SYCP2: variants seen among roughly 807,000 people sequenced by gnomAD.
SYCP2 encodes the protein synaptonemal complex lateral element protein.
Under a neutral mutation model 211.3 loss-of-function variants are expected in SYCP2, and 55 were observed. That is an observed-to-expected ratio of 0.26 (90% CI 0.21 to 0.33). SYCP2 has a LOEUF of 0.33. Among genes scored for constraint, SYCP2 ranks in the 10% least tolerant of loss-of-function variants. The probability of loss-of-function intolerance (pLI) is 1.00; values close to 1 mark genes in which losing one functional copy is unlikely to be tolerated. For synonymous variants in SYCP2, 570 were observed against 555.2 expected, an observed-to-expected ratio of 1.03 and a Z score of -0.37; for missense variants, 1,731 against 1,752.0, an observed-to-expected ratio of 0.99 and a Z score of 0.21.
At chr20:59,910,269 GT>G (rs1568967329) in intron 14 of SYCP2, among the ~76,000 whole-genome samples, 1 of 151,408 alleles carries the variant, frequency 6.6e-6, no homozygotes, top group Non-Finnish European at 1.5e-5. Flanking sequence ...GGAAAGAAGA[GT>G]CCCCCAGCAT....
chr20:59,913,184 ATAGT>A (rs554248635), intron 12 of SYCP2, among the ~76,000 whole-genome samples: 2,394 of 152,312 alleles, frequency 0.016, 24 homozygotes, highest in Non-Finnish European at 0.026. Flanking sequence ...ACTATTTTAC[ATAGT>A]TAGCATATTA....
Position 59,925,043 on chromosome 20 carries a change from A to C in SYCP2, c.-46-2584T>G, listed in dbSNP as rs571248713. On this transcript the variant is annotated intron_variant, in intron 2 of 44. Coordinates refer to ENST00000357552, the MANE Select transcript of SYCP2 (RefSeq NM_014258.4). The stretch of plus-strand genomic sequence containing the variant: ...GAAAATTGAGAACAATTAAGTTTCT[A>C]GAACATAATATATTAGAACATCTTC... Among the ~76,000 whole-genome samples, 7 of 152,222 alleles carry C rather than the reference A, an allele frequency of 4.6e-5. No homozygotes were observed. The East Asian group carries it at 1.3e-3, about 29-fold the overall frequency.
chr20:59,893,448 G>C, intron 21 of SYCP2, 76 bp downstream of exon 21: 1 of 913,692 alleles, frequency 1.1e-6, no homozygotes, highest in Non-Finnish European at 1.7e-6. Flanking sequence ...AAAGCCAGTG[G>C]GGTTAAATGG....
chr20:59,926,998 G>T (rs2060645417), intron 2 of SYCP2, among the ~76,000 whole-genome samples: 1 of 152,114 alleles, frequency 6.6e-6, no homozygotes, highest in South Asian at 2.1e-4. Context: ...ATATATACCA[G>T]AACTTTGGCA....
rs768477855 is a variant in SYCP2 at position 59,922,389 on chromosome 20, C to T, written c.24+1G>A. 3.2e-6 allele frequency: 5 copies of T among 1,569,208 alleles called. No individual in the cohort carries two copies. The highest frequency in any genetic ancestry group is 3.4e-6 in the Non-Finnish European group (4 of 1,164,026). On this transcript the variant is annotated splice_donor_variant, in intron 3 of 44. Coordinates refer to ENST00000357552, the MANE Select transcript of SYCP2 (RefSeq NM_014258.4). LOFTEE classifies it high-confidence loss of function. ...CTTACTTTTGGTCTAGGACTACATA[C>T]CTGGAGATCTGGTCTTATTGGCATT...
chr20:59,914,263 ATAGT>A lies in SYCP2; in HGVS notation c.635-16_635-13del, dbSNP rs2060388495. 4 of 1,479,832 alleles carry A rather than the reference ATAGT, an allele frequency of 2.7e-6. No individual in the cohort carries two copies. Among genetic ancestry groups the A allele is most frequent in the Non-Finnish European group, 3.7e-6 (4 of 1,088,650 alleles). 91.7% of individuals were successfully genotyped at this position (1,479,832 alleles called of 1,614,324 possible). On this transcript the variant is annotated splice_polypyrimidine_tract_variant and intron_variant, in intron 10 of 44. Transcript: ENST00000357552. ...CTGTAAGTCATAATCTATTAAAAAA[ATAGT>A]TAATGTTTGATTTACAATTATGAAA... is the stretch of plus-strand genomic sequence containing the variant.
At position 59,879,854 on chromosome 20, in the gene SYCP2, T is replaced by C. The variant is rs1347234971; in HGVS notation, c.2941+449A>G. Among the ~76,000 whole-genome samples, 402 of 107,556 alleles carry C rather than the reference T, an allele frequency of 3.7e-3. 1 individual carries two copies. The highest frequency in any genetic ancestry group is 0.015 in the African/African-American group (372 of 24,408). The allele number at this position is 107,556 out of a possible 152,430, so 70.6% of individuals were successfully genotyped here. On this transcript the variant is annotated intron_variant, in intron 31 of 44. Transcript: ENST00000357552. The stretch of plus-strand genomic sequence containing the variant: ...ATATATATATATATATATATATATA[T>C]ATATATATACACACACACACACACA...
In SYCP2 at chr20:59,914,162, T is replaced by A; in HGVS notation, c.724A>T (p.Met242Leu). The A allele has an allele frequency of 6.2e-7, 1 of 1,606,118 alleles. No individual in the cohort carries two copies. Among genetic ancestry groups the A allele is most frequent in the Non-Finnish European group, 8.5e-7 (1 of 1,174,770 alleles). ...RQELAHQWFS[M>L]DFIAKAFKRI... ...TTAAATGCCTTAGCAATAAAATCCA[T>A]TGAAAACCACTGATGTGCCAGTTCT... Residue 242 changes from methionine to leucine, a missense_variant, in exon 11 of 45, where the codon ATG becomes TTG. Physicochemically the swap from Met to Leu is conservative, Grantham distance 15. Coordinates refer to ENST00000357552, the MANE Select transcript of SYCP2 (RefSeq NM_014258.4).
chr20:59,902,545 A>G (rs910658149), intron 15 of SYCP2, among the ~76,000 whole-genome samples: 1 of 152,104 alleles, frequency 6.6e-6, no homozygotes, highest in Non-Finnish European at 1.5e-5. Flanking sequence ...CAAGAGAAAA[A>G]CACTCTGAAG....
At chr20:59,885,830 C>T (rs1189073085) in intron 26 of SYCP2, 98 bp downstream of exon 26, 7 of 903,784 alleles carry the variant, frequency 7.7e-6, no homozygotes, top group South Asian at 1.6e-5. Flanking sequence ...CTGAAAACAT[C>T]GTATCAAATT....
Position 59,869,883 on chromosome 20 carries a change from T to C in SYCP2, c.3656A>G (p.Asp1219Gly), listed in dbSNP as rs774531671. The change falls in exon 36 of 45, where the codon GAT becomes GGT. Residue 1219 changes from aspartate to glycine, a missense_variant. Physicochemically the swap from Asp to Gly is moderately conservative, Grantham distance 94 (BLOSUM62 -1). This residue lies in a region of SYCP2 where 1,387 missense variants were observed against 1,351.3 expected (regional missense o/e 1.03). Coordinates refer to ENST00000357552, the MANE Select transcript of SYCP2 (RefSeq NM_014258.4). Reference sequence around the variant, plus strand: ...TTCTTCTGAACTATAACTGCTTACATCTGAATAGCTGTTACTGTTTTGTGT... The same window carrying C: ...TTCTTCTGAACTATAACTGCTTACACCTGAATAGCTGTTACTGTTTTGTGT... The part of the protein sequence containing the change: ...QETQNSNSYS[D>G]VSSYSSEERF... The C allele has an allele frequency of 1.2e-6, 2 of 1,604,654 alleles. No individual in the cohort carries two copies. The highest frequency in any genetic ancestry group is 1.1e-5 in the South Asian group (1 of 90,776).
At chr20:59,915,046 G>A (rs2060410710) in intron 10 of SYCP2, 119 bp downstream of exon 10, 2 of 699,512 alleles carry the variant, frequency 2.9e-6, no homozygotes, top group Admixed American at 5.2e-5. Flanking sequence ...TTGCTTAATT[G>A]TACATAATGT....
At position 59,892,557 on chromosome 20, in the gene SYCP2, C is replaced by G. The variant is rs746490742; in HGVS notation, c.1927+11G>C. 1 of 1,597,430 alleles carries G rather than the reference C, an allele frequency of 6.3e-7. No homozygotes were observed. The highest frequency in any genetic ancestry group is 8.5e-7 in the Non-Finnish European group (1 of 1,174,494). ...ACTGAACTATTACATATAGATAAAA[C>G]TAAGTTTCACCTTGATTCAATGTGT... On this transcript the variant is annotated intron_variant, in intron 23 of 44. Transcript: ENST00000357552.
intron 24 of SYCP2, among the ~76,000 whole-genome samples, chr20:59,887,713 A>T (rs951855605): frequency 6.6e-6 from 1 of 152,066 alleles, no homozygotes; most frequent in African/African-American, 2.4e-5. Flanking sequence ...GTTTCTGCCC[A>T]TAAGAATAAA....
At chr20:59,882,243 T>A in intron 26 of SYCP2, 78 bp from the exon 27 acceptor site, 10 of 1,060,914 alleles carry the variant, frequency 9.4e-6, no homozygotes, top group South Asian at 5.6e-5. Flanking sequence ...TAATCAGAAA[T>A]GCAAATCAAA....
chr20:59,904,909 TATAA>T (rs2060186343), intron 15 of SYCP2, among the ~76,000 whole-genome samples: 1 of 152,082 alleles, frequency 6.6e-6, no homozygotes, highest in African/African-American at 2.4e-5. Context: ...GAAAGTGCCA[TATAA>T]ATAACTAGCT....
At position 59,880,949 on chromosome 20, in the gene SYCP2, G is replaced by A. The variant is rs2059666490; in HGVS notation, c.2772+17C>T. 1 of 1,203,470 alleles carries A rather than the reference G, an allele frequency of 8.3e-7. No individual in the cohort carries two copies. The highest frequency in any genetic ancestry group is 1.2e-6 in the Non-Finnish European group (1 of 843,768). The allele number at this position is 1,203,470 out of a possible 1,614,324, so 74.5% of individuals were successfully genotyped here. A position where few individuals can be genotyped will look rare whatever the true frequency, so the allele number is the denominator to read the frequency against. ...AAATACTACTTCTAATAGACATATT[G>A]AGATATTATAACTTACTTTTTTATC... is the stretch of plus-strand genomic sequence containing the variant. On this transcript the variant is annotated intron_variant, in intron 30 of 44. Transcript: ENST00000357552.
chr20:59,875,771 A>T (rs1278597422), intron 33 of SYCP2, among the ~76,000 whole-genome samples: 1 of 152,124 alleles, frequency 6.6e-6, no homozygotes, highest in Non-Finnish European at 1.5e-5. Context: ...ATTTCATAGT[A>T]TTTGAGATAC....
rs547126365 is a variant in SYCP2, at chr20:59,876,815, T to C, written c.3150+570A>G. ...AAATAGTAATATAAGTATATATATT[T>C]TTCCCATAATTGGAGTTATAGAAAA... On this transcript the variant is annotated intron_variant, in intron 33 of 44. Coordinates refer to ENST00000357552, the MANE Select transcript of SYCP2 (RefSeq NM_014258.4). Among the ~76,000 whole-genome samples the C allele has an allele frequency of 8.5e-5, 13 of 152,264 alleles. No homozygotes were observed. The South Asian group carries it at 2.5e-3, about 29-fold the overall frequency.
Sources: allele counts gnomAD v4.1 joint callset (sites outside exome capture counted in the v4.1 genomes callset), GRCh38; gene constraint gnomAD v4.1.1; regional missense constraint gnomAD v4.1.1; transcripts MANE v1.5; gene names NCBI Gene and HGNC (gene_info 2026-07-23, HGNC 2026-07-21).